ZNF765: variants seen among roughly 807,000 people sequenced by gnomAD.
The protein encoded by ZNF765 is zinc finger protein 765.
Under a neutral mutation model 44.7 loss-of-function variants are expected in ZNF765, and 37 were observed. The observed-to-expected ratio is 0.83, with a 90% CI of 0.64 to 1.09. ZNF765 has a LOEUF of 1.09. Among genes scored for constraint, ZNF765 ranks in the 50% least tolerant of loss-of-function variants. The probability of loss-of-function intolerance (pLI) is 0.00; values close to 1 mark genes in which losing one functional copy is unlikely to be tolerated. For missense variants in ZNF765, 594 were observed against 626.1 expected, an observed-to-expected ratio of 0.95 and a Z score of 0.55; for synonymous variants, 201 against 213.7, an observed-to-expected ratio of 0.94 and a Z score of 0.52.
chr19:53,414,489 ACCCCCCCCCCCCCCCCC>A (rs1160212994), downstream of ZNF765, among the ~76,000 whole-genome samples: 4 of 5,096 alleles, frequency 7.8e-4, no homozygotes, highest in South Asian at 5.6e-3. Flanking sequence ...ACACACACAC[ACCCCCCCCCCCCCCCCC>A]CCCGGGGAAA....
At chr19:53,398,999 C>T (rs1484685043) in intron 2 of ZNF765, among the ~76,000 whole-genome samples, 2 of 152,018 alleles carry the variant, frequency 1.3e-5, no homozygotes, top group African/African-American at 4.8e-5. Context: ...GATCTGCCTG[C>T]CTCAGCCTCC....
rs2085811578 is a variant in ZNF765, at chr19:53,409,318, A to G, written c.*191A>G. On this transcript the variant is annotated 3_prime_UTR_variant, in exon 4 of 4. Transcript: ENST00000396408. ...AATGAGTGTGGCAAGACCTTGAGTC[A>G]TACGTCATCTTTTGTGTACCATCAT... The G allele has an allele frequency of 1.0e-5, 9 of 884,284 alleles. No individual in the cohort carries two copies. The highest frequency in any genetic ancestry group is 2.7e-5 in the South Asian group (2 of 74,264). The allele number at this position is 884,284 out of a possible 1,614,324, so 54.8% of individuals were successfully genotyped here. A position where few individuals can be genotyped will look rare whatever the true frequency, so the allele number is the denominator to read the frequency against.
rs2147100810 is a variant in ZNF765, at chr19:53,411,333, C to T, written c.*2206C>T. 7.3e-6 allele frequency: 1 copy of T among 136,770 alleles called. No individual in the cohort carries two copies. Among genetic ancestry groups the T allele is most frequent in the South Asian group, 2.2e-4 (1 of 4,572 alleles). The allele number at this position is 136,770 out of a possible 1,614,324, so 8.5% of individuals were successfully genotyped here. Reference sequence around the variant, plus strand: ...TTGAGATGGAGTTTCACTCTTGTTGCCCAGGCTGGACTGCAATGGAGCGAT... The same window carrying T: ...TTGAGATGGAGTTTCACTCTTGTTGTCCAGGCTGGACTGCAATGGAGCGAT... On this transcript the variant is annotated 3_prime_UTR_variant, in exon 4 of 4. Coordinates refer to ENST00000396408, the MANE Select transcript of ZNF765 (RefSeq NM_001040185.3).
intron 2 of ZNF765, 133 bp downstream of exon 2, chr19:53,398,163 A>G: frequency 2.0e-6 from 3 of 1,510,544 alleles, no homozygotes; most frequent in Non-Finnish European, 1.8e-6. Flanking sequence ...GCCTTCCTTC[A>G]TTCCCTCTTA....
rs530077769 is a variant in ZNF765 at position 53,410,076 on chromosome 19, G to A, written c.*949G>A. 9 of 439,574 alleles carry A rather than the reference G, an allele frequency of 2.0e-5. No homozygotes were observed. Among genetic ancestry groups the A allele is most frequent in the Admixed American group, 7.9e-5 (3 of 38,184 alleles). The allele number at this position is 439,574 out of a possible 1,614,324, so 27.2% of individuals were successfully genotyped here. ...ACCTTTGCAGTTCATGGGTGAAGTCGTATTAGAAACCTTACAAATGTGAAG... is the reference window on the plus strand; with the variant it reads ...ACCTTTGCAGTTCATGGGTGAAGTCATATTAGAAACCTTACAAATGTGAAG... On this transcript the variant is annotated 3_prime_UTR_variant, in exon 4 of 4. Transcript: ENST00000396408.
intron 1 of ZNF765, among the ~76,000 whole-genome samples, chr19:53,397,734 C>T (rs1347271164): frequency 3.3e-5 from 5 of 151,930 alleles, no homozygotes; most frequent in Non-Finnish European, 7.4e-5. Context: ...GAGCTCATCC[C>T]ACCCCAGCTC....
At chr19:53,405,077 C>T (rs1384207764) in intron 3 of ZNF765, among the ~76,000 whole-genome samples, 2 of 152,112 alleles carry the variant, frequency 1.3e-5, no homozygotes, top group Non-Finnish European at 2.9e-5. Flanking sequence ...TTTGGCCGGG[C>T]ACGGTGGCTC....
At chr19:53,413,470 T>C (rs1020814390), downstream of ZNF765, 21 of 412,606 alleles carry the variant, frequency 5.1e-5, no homozygotes, top group Non-Finnish European at 8.8e-5. Flanking sequence ...AATATATTTT[T>C]TCTCTCTGAA....
intron 3 of ZNF765, among the ~76,000 whole-genome samples, chr19:53,418,987 T>TAATGTCA (rs2085891927): frequency 6.6e-6 from 1 of 150,944 alleles, no homozygotes; most frequent in Non-Finnish European, 1.5e-5. Context: ...GAAACTAGTT[T>TAATGTCA]AATGTCAAAG....
chr19:53,410,494 A>G lies in ZNF765; in HGVS notation c.*1367A>G. 1 of 386,524 alleles carries G rather than the reference A, an allele frequency of 2.6e-6. No homozygotes were observed. Among genetic ancestry groups the G allele is most frequent in the Non-Finnish European group, 5.2e-6 (1 of 192,154 alleles). The allele number at this position is 386,524 out of a possible 1,614,324, so 23.9% of individuals were successfully genotyped here. A position where few individuals can be genotyped will look rare whatever the true frequency, so the allele number is the denominator to read the frequency against. On this transcript the variant is annotated 3_prime_UTR_variant, in exon 4 of 4. Transcript: ENST00000396408. ...CACAACATCCTAGAATTCACATTGG[A>G]GAGAAAGCTTACAAGTATAATGAAT... is the stretch of plus-strand genomic sequence containing the variant.
At chr19:53,400,045 C>T (rs1254976705) in intron 2 of ZNF765, among the ~76,000 whole-genome samples, 2 of 152,116 alleles carry the variant, frequency 1.3e-5, no homozygotes, top group Non-Finnish European at 2.9e-5. Flanking sequence ...GAACTCCTGA[C>T]ATTTGATCCA....
At chr19:53,398,357 T>G (rs548812721) in intron 2 of ZNF765, among the ~76,000 whole-genome samples, 61 of 152,314 alleles carry the variant, frequency 4.0e-4, no homozygotes, top group African/African-American at 1.4e-3. Context: ...CTGTCAGCTC[T>G]CTGTAGACCA....
chr19:53,410,593 T>G lies in ZNF765; in HGVS notation c.*1466T>G. On this transcript the variant is annotated 3_prime_UTR_variant, in exon 4 of 4. Transcript: ENST00000396408. ...CCATGGTGTAGGGAAACTTTACTTA[T>G]GTAATGATTGTCACAAAGTCTTCAG... 2.2e-6 allele frequency: 1 copy of G among 456,384 alleles called. No homozygotes were observed. The highest frequency in any genetic ancestry group is 1.8e-5 in the South Asian group (1 of 56,122). 28.3% of individuals were successfully genotyped at this position (456,384 alleles called of 1,614,324 possible).
In ZNF765 at chr19:53,408,927, A is replaced by C; in HGVS notation, c.1372A>C (p.Lys458Gln). The C allele has an allele frequency of 6.2e-7, 1 of 1,613,980 alleles. No individual in the cohort carries two copies. The highest frequency in any genetic ancestry group is 8.5e-7 in the Non-Finnish European group (1 of 1,179,958). Residue 458 changes from lysine (K) to glutamine (Q), a missense_variant, in exon 4 of 4, where the codon AAA (lysine) becomes CAA (glutamine). By Grantham distance (53) the Lys-to-Gln change is moderately conservative. Coordinates refer to ENST00000396408, the MANE Select transcript of ZNF765 (RefSeq NM_001040185.3). Reference protein sequence around the residue: ...SFKSNLEIHQKIHTEENPYKC... With the variant: ...SFKSNLEIHQQIHTEENPYKC... ...CAAATCAAACCTTGAAATACATCAGAAAATTCATACTGAAGAGAATCCTTA... is the reference window on the plus strand; with the variant it reads ...CAAATCAAACCTTGAAATACATCAGCAAATTCATACTGAAGAGAATCCTTA...
chr19:53,419,789 G>A (rs770560598), intron 3 of ZNF765, among the ~76,000 whole-genome samples: 34 of 151,882 alleles, frequency 2.2e-4, no homozygotes, highest in African/African-American at 3.6e-4. Context: ...AGGCCGAGGC[G>A]GGTGGATCAC....
downstream of ZNF765, among the ~76,000 whole-genome samples, chr19:53,414,620 C>T (rs1042383673): frequency 2.6e-5 from 4 of 151,036 alleles, no homozygotes; most frequent in South Asian, 2.1e-4. Context: ...TGGCCTTCTA[C>T]GGGATGACAG....
downstream of ZNF765, chr19:53,412,075 T>C (rs1353111682): frequency 5.1e-6 from 1 of 194,252 alleles, no homozygotes; most frequent in East Asian, 1.7e-4. Flanking sequence ...ATTGATTGAA[T>C]AGAAGGGGTG....
At chr19:53,419,238 A>G (rs370330271) in intron 3 of ZNF765, among the ~76,000 whole-genome samples, 105 of 152,328 alleles carry the variant, frequency 6.9e-4, no homozygotes, top group Middle Eastern at 6.8e-3. Context: ...TCATAGAAAG[A>G]GTTTTAAGGA....
intron 3 of ZNF765, among the ~76,000 whole-genome samples, chr19:53,402,441 T>C (rs2085737119): frequency 6.6e-6 from 1 of 151,908 alleles, no homozygotes; most frequent in Non-Finnish European, 1.5e-5. Flanking sequence ...TACTATTTTT[T>C]ACTAGAGACG....
Sources: gnomAD v4.1 joint callset for allele counts (sites outside exome capture counted in the v4.1 genomes callset) on GRCh38, gnomAD v4.1.1 for gene constraint, MANE v1.5 for transcripts, NCBI Gene and HGNC (gene_info 2026-07-23, HGNC 2026-07-21) for gene names.